The following NOL9 variants were observed in gnomAD, a reference collection of about 807,000 sequenced individuals.
NOL9 encodes the protein polynucleotide 5'-hydroxyl-kinase NOL9.
Under a neutral mutation model 67.9 loss-of-function variants are expected in NOL9, and 28 were observed. The observed-to-expected ratio is 0.41, with a 90% CI of 0.31 to 0.57. NOL9 has a LOEUF of 0.57. Among genes scored for constraint, NOL9 ranks in the 20% least tolerant of loss-of-function variants. The probability of loss-of-function intolerance (pLI) is 0.25; values close to 1 mark genes in which losing one functional copy is unlikely to be tolerated. For synonymous variants in NOL9, 356 were observed against 352.2 expected (o/e 1.01, Z -0.12); for missense variants, 777 against 897.0 (o/e 0.87, Z 1.71).
chr1:6,542,813 A>C (rs185592286), intron 5 of NOL9, among the ~76,000 whole-genome samples: 3 of 150,204 alleles, frequency 2.0e-5, no homozygotes, highest in Non-Finnish European at 3.0e-5. Flanking sequence ...GCTGGTCTTG[A>C]ACTCCTGAAC....
chr1:6,548,782 A>T (rs1279438853), intron 3 of NOL9, among the ~76,000 whole-genome samples: 1 of 152,112 alleles, frequency 6.6e-6, no homozygotes, highest in Non-Finnish European at 1.5e-5. Flanking sequence ...AAAGACAACC[A>T]TTAAAAACCC....
Position 6,554,164 on chromosome 1 carries a change from G to A in NOL9, c.339C>T (p.Ile113=). 6.5e-7 allele frequency: 1 copy of A among 1,529,450 alleles called. No individual in the cohort carries two copies. The highest frequency in any genetic ancestry group is 8.8e-7 in the Non-Finnish European group (1 of 1,137,788). 94.7% of individuals were successfully genotyped at this position (1,529,450 alleles called of 1,614,324 possible). A position where few individuals can be genotyped will look rare whatever the true frequency, so the allele number is the denominator to read the frequency against. ...CGGGGCCCACGGGCCGCACCGGTGG[G>A]ATGAGGAGAGGCCGGTGGCAACTCG... The part of the protein sequence containing the change: ...SASSCHRPLL[I]PPVRPVGPGR... The change falls in exon 1 of 12, where the codon ATC becomes ATT. Residue 113 remains isoleucine (I), a synonymous_variant. Coordinates refer to ENST00000377705, the MANE Select transcript of NOL9 (RefSeq NM_024654.5).
At position 6,529,296 on chromosome 1, in the gene NOL9, A is replaced by C. The variant is rs535756656; in HGVS notation, c.1648-125T>G. ...AAAGTGCCTACTCAAAAGTATCTCT[A>C]AAGAATAAAAACAGCCAGGCACAGT... On this transcript the variant is annotated intron_variant, in intron 9 of 11. Transcript: ENST00000377705. The C allele has an allele frequency of 1.9e-5, 16 of 860,020 alleles. No homozygotes were observed. The East Asian group carries it at 4.0e-4, about 22-fold the overall frequency. 53.3% of individuals were successfully genotyped at this position (860,020 alleles called of 1,614,324 possible).
At chr1:6,528,902 G>T in intron 10 of NOL9, 92 bp downstream of exon 10, 1 of 1,301,430 alleles carries the variant, frequency 7.7e-7, no homozygotes, top group Non-Finnish European at 1.1e-6. Context: ...CTGTAGCTTA[G>T]ACACAGCTAC....
intron 3 of NOL9, among the ~76,000 whole-genome samples, chr1:6,545,911 C>T (rs1639410630): frequency 1.3e-5 from 1 of 79,314 alleles, no homozygotes. Flanking sequence ...GAGACTGTGT[C>T]TGTGTCTCAA....
chr1:6,528,903 A>T, intron 10 of NOL9, 91 bp downstream of exon 10: 1 of 1,286,762 alleles, frequency 7.8e-7, no homozygotes, highest in Non-Finnish European at 1.1e-6. Context: ...TGTAGCTTAG[A>T]CACAGCTACA....
intron 6 of NOL9, among the ~76,000 whole-genome samples, chr1:6,538,938 C>T (rs1236934220): frequency 6.6e-6 from 1 of 152,192 alleles, no homozygotes; most frequent in Non-Finnish European, 1.5e-5. Context: ...CGCCACTGCA[C>T]CTCAGCCTGG....
Position 6,553,627 on chromosome 1 carries a change from G to A in NOL9, c.396+480C>T, listed in dbSNP as rs545860281. ...GAGGCCGAGGCGGGTGGATCACAAG[G>A]TCAGGAGATCGAGACTATCCTGGCT... On this transcript the variant is annotated intron_variant, in intron 1 of 11. Transcript: ENST00000377705. Among the ~76,000 whole-genome samples the A allele has an allele frequency of 4.6e-5, 7 of 151,946 alleles. No homozygotes were observed. The East Asian group carries it at 9.7e-4, about 21-fold the overall frequency.
intron 2 of NOL9, among the ~76,000 whole-genome samples, chr1:6,549,949 C>T (rs766096615): frequency 1.1e-4 from 17 of 152,078 alleles, no homozygotes; most frequent in South Asian, 2.1e-4. Context: ...AACAATAGTA[C>T]TTTCACTCTC....
chr1:6,549,995 G>T lies in NOL9; in HGVS notation c.617-297C>A, dbSNP rs1359375249. ...TAAGGGTTTATATAGATACCACAAC[G>T]TCCTTAGCACACTGCCTAGACCATA... On this transcript the variant is annotated intron_variant, in intron 2 of 11. Transcript: ENST00000377705. Among the ~76,000 whole-genome samples the T allele has an allele frequency of 2.0e-5, 3 of 152,110 alleles. No individual in the cohort carries two copies. In the South Asian group the frequency reaches 6.2e-4, roughly 32 times the overall value.
In NOL9 at chr1:6,554,455, A is replaced by C. The variant is rs1639625584; in HGVS notation, c.48T>G (p.Thr16=). 1 of 1,551,712 alleles carries C rather than the reference A, an allele frequency of 6.4e-7. No individual in the cohort carries two copies. Among genetic ancestry groups the C allele is most frequent in the Middle Eastern group, 2.1e-4 (1 of 4,710 alleles). The stretch of plus-strand genomic sequence containing the variant: ...GCCGGGCCTTGCGGACCCGCAGCCA[A>C]GTGGAACGGCAGGAACCCCGCTTTA... ...LLLKRGSCRS[T]WLRVRKARPQ... is the part of the protein sequence containing the mutation. The change falls in exon 1 of 12, where the codon ACT becomes ACG. Residue 16 remains threonine, a synonymous_variant. Coordinates refer to ENST00000377705, the MANE Select transcript of NOL9 (RefSeq NM_024654.5).
intron 1 of NOL9, among the ~76,000 whole-genome samples, chr1:6,552,653 C>T (rs1639568492): frequency 6.6e-6 from 1 of 151,906 alleles, no homozygotes; most frequent in Non-Finnish European, 1.5e-5. Flanking sequence ...GCGTGAGCCA[C>T]TAGACAGGGT....
rs577164926 is a variant in NOL9, at chr1:6,545,235, T to C, written c.745-55A>G. ...AAAAAATGCATATTTTTTTCTTCAG[T>C]ACTAAATTAATCAAGCCTCACACAG... On this transcript the variant is annotated intron_variant, in intron 3 of 11. Transcript: ENST00000377705. 1.8e-5 allele frequency: 28 copies of C among 1,529,198 alleles called. No homozygotes were observed. In the African/African-American group the frequency reaches 3.3e-4, roughly 18 times the overall value. 94.7% of individuals were successfully genotyped at this position (1,529,198 alleles called of 1,614,324 possible). A position where few individuals can be genotyped will look rare whatever the true frequency, so the allele number is the denominator to read the frequency against.
chr1:6,523,639 A>G lies in NOL9; in HGVS notation c.*2215T>C, dbSNP rs949891546. On this transcript the variant is annotated 3_prime_UTR_variant, in exon 12 of 12. Coordinates refer to ENST00000377705, the MANE Select transcript of NOL9 (RefSeq NM_024654.5). Reference sequence around the variant, plus strand: ...GCCACTGCCATCAATAATGGGATGAATTGTCATCCTGGAGAATGGTGCTGC... The same window carrying G: ...GCCACTGCCATCAATAATGGGATGAGTTGTCATCCTGGAGAATGGTGCTGC... The G allele has an allele frequency of 2.6e-5, 4 of 151,734 alleles. No individual in the cohort carries two copies. The highest frequency in any genetic ancestry group is 9.7e-5 in the African/African-American group (4 of 41,276). The allele number at this position is 151,734 out of a possible 1,614,324, so 9.4% of individuals were successfully genotyped here.
Position 6,549,599 on chromosome 1 carries a change from G to A in NOL9, c.716C>T (p.Pro239Leu), listed in dbSNP as rs144983671. 260 of 1,614,062 alleles carry A rather than the reference G, an allele frequency of 1.6e-4. 1 individual carries two copies. Among genetic ancestry groups the A allele is most frequent in the Middle Eastern group, 9.9e-4 (6 of 6,062 alleles). The part of the protein sequence containing the change: ...TATVNFITSY[P>L]GSSYIFVQES... ...TTGCACAAAAATGTAGGATGAACCC[G>A]GATAGCTGGTTATGAAGTTTACAGT... The change falls in exon 3 of 12, where the codon CCG (proline) becomes CTG (leucine). Residue 239 changes from proline (P) to leucine (L), a missense_variant. By Grantham distance (98) the Pro-to-Leu change is moderately conservative. Transcript: ENST00000377705.
intron 9 of NOL9, among the ~76,000 whole-genome samples, 174 bp downstream of exon 9, chr1:6,531,794 A>C (rs1639033999): frequency 6.6e-6 from 1 of 151,830 alleles, no homozygotes; most frequent in Non-Finnish European, 1.5e-5. Context: ...GCCTCTCTAC[A>C]CCTCAGGTTC....
At chr1:6,530,557 T>C (rs1470844851) in intron 9 of NOL9, among the ~76,000 whole-genome samples, 1 of 152,196 alleles carries the variant, frequency 6.6e-6, no homozygotes, top group East Asian at 1.9e-4. Flanking sequence ...GATGAATAAA[T>C]GACCCATAAA....
intron 1 of NOL9, 125 bp from the exon 2 acceptor site, chr1:6,550,740 A>G (rs112674170): frequency 0.01 from 6,986 of 691,736 alleles, 66 homozygotes; most frequent in Middle Eastern, 0.037. Context: ...CTGGAGTACA[A>G]TGGCACAATC....
intron 9 of NOL9, 55 bp downstream of exon 9, chr1:6,531,913 A>G: frequency 7.0e-7 from 1 of 1,418,964 alleles, no homozygotes; most frequent in Non-Finnish European, 1.0e-6. Flanking sequence ...GCACACAGAA[A>G]ACCACACAAG....
Sources: allele counts gnomAD v4.1 joint callset (sites outside exome capture counted in the v4.1 genomes callset), GRCh38; gene constraint gnomAD v4.1.1; transcripts MANE v1.5; gene names NCBI Gene and HGNC (gene_info 2026-07-23, HGNC 2026-07-21).